The following MYOM1 variants were observed in gnomAD, a reference collection of about 807,000 sequenced individuals.
MYOM1 encodes myomesin-1.
Under a neutral mutation model 205.3 loss-of-function variants are expected in MYOM1, and 164 were observed. That is an observed-to-expected ratio of 0.80 (90% CI 0.70 to 0.91). The LOEUF is 0.91. Among genes scored for constraint, MYOM1 ranks in the 40% least tolerant of loss-of-function variants. The probability of loss-of-function intolerance (pLI) is 0.00; values close to 1 mark genes in which losing one functional copy is unlikely to be tolerated. For synonymous variants in MYOM1, 772 were observed against 789.4 expected (o/e 0.98, Z 0.37); for missense variants, 2,011 against 2,127.3 (o/e 0.95, Z 1.08).
rs114910754 is a variant in MYOM1 at position 3,116,279 on chromosome 18, G to A, written c.3303+52C>T. 1.6e-3 allele frequency: 2,484 copies of A among 1,551,686 alleles called. 31 individuals are homozygous for A. The African/African-American group carries it at 0.03, about 19-fold the overall frequency. On this transcript the variant is annotated intron_variant, in intron 21 of 37. Transcript: ENST00000356443. The stretch of plus-strand genomic sequence containing the variant: ...TTTTATCTTGCTAACTTTAAAGTTC[G>A]TATTAGTAGAGCAGTTAGTAGAGGA...
intron 17 of MYOM1, among the ~76,000 whole-genome samples, chr18:3,130,259 T>C (rs1489770955): frequency 6.6e-6 from 1 of 152,074 alleles, no homozygotes; most frequent in Non-Finnish European, 1.5e-5. Context: ...GCCAGGTTGA[T>C]CTCAAACTCC....
chr18:3,075,503 G>A lies in MYOM1; in HGVS notation c.4686-27C>T, dbSNP rs2079010863. ...TGTGGTTGAGAGAAACGAACAAACA[G>A]ACGAAGAATTTTGTGTTAGTGTTAC... is the stretch of plus-strand genomic sequence containing the variant. On this transcript the variant is annotated intron_variant, in intron 35 of 37. Transcript: ENST00000356443. 13 of 1,381,622 alleles carry A rather than the reference G, an allele frequency of 9.4e-6. No individual in the cohort carries two copies. In the East Asian group the frequency reaches 1.0e-4, roughly 11 times the overall value. The allele number at this position is 1,381,622 out of a possible 1,614,324, so 85.6% of individuals were successfully genotyped here. A position where few individuals can be genotyped will look rare whatever the true frequency, so the allele number is the denominator to read the frequency against.
intron 20 of MYOM1, among the ~76,000 whole-genome samples, chr18:3,117,990 G>A (rs1007585589): frequency 2.0e-5 from 3 of 152,180 alleles, no homozygotes; most frequent in Admixed American, 6.5e-5. Flanking sequence ...GAGGCATCTA[G>A]ATTGGGAGCA....
Position 3,214,964 on chromosome 18 carries a change from G to T in MYOM1, c.260C>A (p.Ala87Asp). The change falls in exon 2 of 38, where the codon GCC becomes GAC. Residue 87 changes from alanine to aspartate, a missense_variant. Transcript: ENST00000356443. The part of the protein sequence containing the change: ...ALSSEVSRKA[A>D]SAYDYGSSHG... ...GGAGGAGCCATAATCGTAGGCTGAG[G>T]CTGCCTTCCGACTGACTTCAGAGCT... The T allele has an allele frequency of 6.2e-7, 1 of 1,607,618 alleles. No individual in the cohort carries two copies. Among genetic ancestry groups the T allele is most frequent in the Non-Finnish European group, 8.5e-7 (1 of 1,175,936 alleles).
intron 29 of MYOM1, 34 bp downstream of exon 29, chr18:3,089,140 T>A (rs1487066512): frequency 6.7e-7 from 1 of 1,485,548 alleles, no homozygotes; most frequent in Admixed American, 1.8e-5. Flanking sequence ...TTATTTCCCT[T>A]GAATCAAATA....
At position 3,152,165 on chromosome 18, in the gene MYOM1, T is replaced by TG. The variant is rs2080232575; in HGVS notation, c.1644-273dup. 6.6e-6 allele frequency among the ~76,000 whole-genome samples: 1 copy of TG among 152,200 alleles called. No homozygotes were observed. The highest frequency in any genetic ancestry group is 1.9e-4 in the East Asian group (1 of 5,186). Reference sequence around the variant, plus strand: ...GCCTTGTGTAGAAAGCAGAGGGGTTTGGGGGTTGCTGGGATAAGCAGATAA... The same window carrying TG: ...GCCTTGTGTAGAAAGCAGAGGGGTTTGGGGGGTTGCTGGGATAAGCAGATAA... On this transcript the variant is annotated intron_variant, in intron 11 of 37. Coordinates refer to ENST00000356443, the MANE Select transcript of MYOM1 (RefSeq NM_003803.4). This position sits in a 1 kb window ranked among gnomAD's most constrained non-coding sequence, Gnocchi z 4.3.
At chr18:3,186,666 G>A (rs1487607660) in intron 5 of MYOM1, among the ~76,000 whole-genome samples, 3 of 151,744 alleles carry the variant, frequency 2.0e-5, no homozygotes, top group African/African-American at 7.3e-5. Flanking sequence ...TCTTTTGTTT[G>A]GTGTCAGAAA....
chr18:3,229,158 C>T, the MYOM1 span, among the ~76,000 whole-genome samples: 2 of 152,194 alleles, frequency 1.3e-5, no homozygotes, highest in African/African-American at 2.4e-5. Flanking sequence ...TTTTGAGAGG[C>T]CTTTTTTAGC....
chr18:3,245,184 A>G, the MYOM1 span, among the ~76,000 whole-genome samples: 1 of 152,226 alleles, frequency 6.6e-6, no homozygotes. Context: ...AACAGAATTG[A>G]AAAGAACAGA....
chr18:3,197,317 T>A (rs1372100042), intron 2 of MYOM1, among the ~76,000 whole-genome samples: 1 of 152,136 alleles, frequency 6.6e-6, no homozygotes, highest in Non-Finnish European at 1.5e-5. Context: ...TTGTACGTTT[T>A]AGTAGAGACA....
At position 3,168,836 on chromosome 18, in the gene MYOM1, C is replaced by G; in HGVS notation, c.1320G>C (p.Glu440Asp). ...ITPEIKHFQP[E>D]IQWYRNGVPL... ...ACTCACCGTTTCTGTACCACTGGAT[C>G]TCTGGCTGGAAATGTTTAATTTCAG... is the stretch of plus-strand genomic sequence containing the variant. The change falls in exon 9 of 38, where the codon GAG (glutamate) becomes GAC (aspartate). Residue 440 changes from glutamate (E) to aspartate (D), a missense_variant. Transcript: ENST00000356443. 1 of 1,613,912 alleles carries G rather than the reference C, an allele frequency of 6.2e-7. No homozygotes were observed. The highest frequency in any genetic ancestry group is 8.5e-7 in the Non-Finnish European group (1 of 1,179,876).
rs760649398 is a variant in MYOM1, at chr18:3,173,995, T to C, written c.1117A>G (p.Lys373Glu). The C allele has an allele frequency of 2.5e-6, 4 of 1,613,300 alleles. No individual in the cohort carries two copies. The highest frequency in any genetic ancestry group is 3.4e-6 in the Non-Finnish European group (4 of 1,179,390). The change falls in exon 8 of 38, where the codon AAG (lysine) becomes GAG (glutamate). Residue 373 changes from lysine (K) to glutamate (E), a missense_variant. Coordinates refer to ENST00000356443, the MANE Select transcript of MYOM1 (RefSeq NM_003803.4). ...AYASVVVKRYKGEFDETRFHA... is the reference protein window; with the variant it reads ...AYASVVVKRYEGEFDETRFHA... ...AAGCGAGTCTCATCAAACTCTCCCT[T>C]ATACCCTAGAGAAGAAAACAGAAAC...
rs1419063763 is a variant in MYOM1, at chr18:3,067,065, C to T, written c.*197G>A. 1.5e-5 allele frequency: 9 copies of T among 608,308 alleles called. No individual in the cohort carries two copies. In the East Asian group the frequency reaches 2.3e-4, roughly 15 times the overall value. 37.7% of individuals were successfully genotyped at this position (608,308 alleles called of 1,614,324 possible). The stretch of plus-strand genomic sequence containing the variant: ...CATGCTATGAATGGTATTTTCTTAA[C>T]ACATAATTTTGTAGATAAAGAAAAA... On this transcript the variant is annotated 3_prime_UTR_variant, in exon 38 of 38. Transcript: ENST00000356443.
chr18:3,097,180 T>G (rs1372226615), intron 25 of MYOM1, among the ~76,000 whole-genome samples: 1 of 152,170 alleles, frequency 6.6e-6, no homozygotes, highest in Non-Finnish European at 1.5e-5. Context: ...GAAAACGACT[T>G]CATCAACATG....
chr18:3,121,227 A>C (rs1373894712), intron 19 of MYOM1, among the ~76,000 whole-genome samples: 1 of 152,218 alleles, frequency 6.6e-6, no homozygotes, highest in Non-Finnish European at 1.5e-5. Flanking sequence ...TAGGAGATAC[A>C]GAATTTTCTA....
At chr18:3,084,087 T>C (rs763973061) in intron 31 of MYOM1, 60 bp from the exon 32 acceptor site, 2 of 1,527,072 alleles carry the variant, frequency 1.3e-6, no homozygotes, top group Non-Finnish European at 1.8e-6. Context: ...TAAGGTTAAA[T>C]CTCAAATTCT....
At chr18:3,225,356 G>T in the MYOM1 span, among the ~76,000 whole-genome samples, 183 of 152,288 alleles carry the variant, frequency 1.2e-3, no homozygotes, top group African/African-American at 4.3e-3. Context: ...CTGCATCAAA[G>T]AAGCTCATTT....
intron 2 of MYOM1, among the ~76,000 whole-genome samples, chr18:3,200,545 T>C (rs912242193): frequency 4.6e-5 from 7 of 152,042 alleles, no homozygotes; most frequent in Non-Finnish European, 8.8e-5. Context: ...AAATATAAAT[T>C]ATAAAATAAA....
At chr18:3,136,667 G>A (rs561176817) in intron 14 of MYOM1, among the ~76,000 whole-genome samples, 32 of 152,136 alleles carry the variant, frequency 2.1e-4, no homozygotes, top group Middle Eastern at 3.4e-3. Context: ...GGGCTCAAGC[G>A]ATTCACCCAC....
Sources: gnomAD v4.1 joint callset for allele counts (sites outside exome capture counted in the v4.1 genomes callset) on GRCh38, gnomAD v4.1.1 for gene constraint, Gnocchi (gnomAD v3.1) non-coding constraint, MANE v1.5 for transcripts, NCBI Gene and HGNC (gene_info 2026-07-23, HGNC 2026-07-21) for gene names.